The following SNRNP48 variants were observed in gnomAD, a reference collection of about 807,000 sequenced individuals.
SNRNP48 encodes the protein small nuclear ribonucleoprotein U11/U12 subunit 48, also known as U11/U12 small nuclear ribonucleoprotein 48 kDa protein.
In SNRNP48, 43 loss-of-function variants were observed where a neutral mutation model predicts 47.0. The observed-to-expected ratio is 0.92, with a 90% CI of 0.72 to 1.18. The LOEUF (loss-of-function observed/expected upper bound fraction) is 1.18. Among genes scored for constraint, SNRNP48 ranks in the 50% most tolerant of loss-of-function variants. SNRNP48 has a pLI of 0.00. For missense variants in SNRNP48, 396 were observed against 422.2 expected, an observed-to-expected ratio of 0.94 and a Z score of 0.54; for synonymous variants, 138 against 144.0, an observed-to-expected ratio of 0.96 and a Z score of 0.30.
intron 6 of SNRNP48, among the ~76,000 whole-genome samples, chr6:7,603,000 A>G (rs1027819259): frequency 6.6e-6 from 1 of 152,194 alleles, no homozygotes; most frequent in Non-Finnish European, 1.5e-5. Flanking sequence ...GTATCATGGT[A>G]AGAGCATGAG....
intron 4 of SNRNP48, among the ~76,000 whole-genome samples, chr6:7,598,722 A>G (rs1190215042): frequency 6.6e-6 from 1 of 152,180 alleles, no homozygotes; most frequent in African/African-American, 2.4e-5. Context: ...ACACACTACA[A>G]TGTAAGTTTT....
At chr6:7,592,721 C>G (rs1759839643) in intron 1 of SNRNP48, among the ~76,000 whole-genome samples, 1 of 152,058 alleles carries the variant, frequency 6.6e-6, no homozygotes, top group African/African-American at 2.4e-5. Flanking sequence ...GGCAGCAAGA[C>G]TGGAAGCAGA....
intron 4 of SNRNP48, among the ~76,000 whole-genome samples, chr6:7,597,391 C>G (rs1348971406): frequency 1.3e-5 from 2 of 152,204 alleles, no homozygotes; most frequent in Admixed American, 1.3e-4. Context: ...CTAATCGTGA[C>G]TATCAGTGCT....
intron 1 of SNRNP48, among the ~76,000 whole-genome samples, chr6:7,592,368 C>A (rs1350358252): frequency 1.4e-5 from 2 of 145,828 alleles, no homozygotes; most frequent in African/African-American, 5.1e-5. Context: ...ATTAGAAAGT[C>A]TAGATTTTTT....
Position 7,599,242 on chromosome 6 carries a change from T to G in SNRNP48, c.407-2094T>G, listed in dbSNP as rs545493117. ...ACTATTTAATGTTGAATGTTATATG[T>G]TTAAGATCCCCTTTGATGACAAAAG... On this transcript the variant is annotated intron_variant, in intron 4 of 8. Transcript: ENST00000342415. Among the ~76,000 whole-genome samples the G allele has an allele frequency of 5.3e-5, 8 of 152,298 alleles. No individual in the cohort carries two copies. The South Asian group carries it at 1.7e-3, about 32-fold the overall frequency.
chr6:7,600,289 C>T, intron 4 of SNRNP48: 1 of 796,910 alleles, frequency 1.3e-6, no homozygotes, highest in Non-Finnish European at 1.5e-6. Context: ...TCATAGTATG[C>T]TCTTATTTGA....
chr6:7,591,075 G>C (rs1283751160), intron 1 of SNRNP48, among the ~76,000 whole-genome samples: 3 of 152,212 alleles, frequency 2.0e-5, no homozygotes, highest in African/African-American at 7.2e-5. Flanking sequence ...GTCTCAGAGC[G>C]CTGCAGAGGG....
intron 8 of SNRNP48, among the ~76,000 whole-genome samples, chr6:7,608,142 C>G (rs539258256): frequency 1.3e-5 from 2 of 152,034 alleles, no homozygotes; most frequent in South Asian, 4.2e-4. Flanking sequence ...GATATCCAAC[C>G]CTGGGGTGGA....
intron 1 of SNRNP48, among the ~76,000 whole-genome samples, chr6:7,592,419 T>G (rs1354665546): frequency 1.3e-5 from 2 of 151,866 alleles, no homozygotes; most frequent in Non-Finnish European, 2.9e-5. Flanking sequence ...TATGGAATTA[T>G]TTTAAGCCAG....
intron 1 of SNRNP48, among the ~76,000 whole-genome samples, chr6:7,591,615 C>T (rs573270495): frequency 2.6e-5 from 4 of 152,288 alleles, no homozygotes; most frequent in Admixed American, 2.6e-4. Flanking sequence ...GTGGGGCTTA[C>T]CAGACCCTTC....
At chr6:7,606,599 C>T (rs1372197390) in intron 8 of SNRNP48, among the ~76,000 whole-genome samples, 2 of 152,102 alleles carry the variant, frequency 1.3e-5, no homozygotes, top group African/African-American at 4.8e-5. Context: ...TATGTAGGGT[C>T]AGAGAGAACA....
At position 7,593,729 on chromosome 6, in the gene SNRNP48, T is replaced by G; in HGVS notation, c.157-5T>G. Reference sequence around the variant, plus strand: ...ATTTTCTTTGTTTCTGTTTGATTTTTATAGGATGAAGTTGTGATATGTCCA... The same window carrying G: ...ATTTTCTTTGTTTCTGTTTGATTTTGATAGGATGAAGTTGTGATATGTCCA... On this transcript the variant is annotated splice_region_variant and splice_polypyrimidine_tract_variant and intron_variant, in intron 1 of 8. Transcript: ENST00000342415. 1 of 1,543,876 alleles carries G rather than the reference T, an allele frequency of 6.5e-7. No individual in the cohort carries two copies. Among genetic ancestry groups the G allele is most frequent in the Non-Finnish European group, 8.7e-7 (1 of 1,147,606 alleles).
At chr6:7,594,806 A>T (rs1759874208) in intron 3 of SNRNP48, among the ~76,000 whole-genome samples, 1 of 152,200 alleles carries the variant, frequency 6.6e-6, no homozygotes, top group Non-Finnish European at 1.5e-5. Flanking sequence ...TGCGTGCCTA[A>T]TTATAGGCAT....
rs1396896461 is a variant in SNRNP48 at position 7,610,760 on chromosome 6, A to G, written c.*1887A>G. The stretch of plus-strand genomic sequence containing the variant: ...TCACTGCTACAAACTATTTAATGAA[A>G]TGTGGCATCGGGTGAAAAGAGGCAT... On this transcript the variant is annotated 3_prime_UTR_variant, in exon 9 of 9. Coordinates refer to ENST00000342415, the MANE Select transcript of SNRNP48 (RefSeq NM_152551.4). 6.6e-6 allele frequency: 1 copy of G among 152,216 alleles called. No homozygotes were observed. The highest frequency in any genetic ancestry group is 1.5e-5 in the Non-Finnish European group (1 of 68,034). 9.4% of individuals were successfully genotyped at this position (152,216 alleles called of 1,614,324 possible). A position where few individuals can be genotyped will look rare whatever the true frequency, so the allele number is the denominator to read the frequency against.
Position 7,590,256 on chromosome 6 carries a change from C to T in SNRNP48, c.-2C>T. The T allele has an allele frequency of 1.5e-6, 2 of 1,326,788 alleles. No individual in the cohort carries two copies. Among genetic ancestry groups the T allele is most frequent in the South Asian group, 2.4e-5 (1 of 41,464 alleles). The allele number at this position is 1,326,788 out of a possible 1,614,324, so 82.2% of individuals were successfully genotyped here. Reference sequence around the variant, plus strand: ...CTTCCTCTTGGCGGGTGGGCTGCAGCTATGGAGGGCGAGCCTCCACCTGTG... The same window carrying T: ...CTTCCTCTTGGCGGGTGGGCTGCAGTTATGGAGGGCGAGCCTCCACCTGTG... On this transcript the variant is annotated 5_prime_UTR_variant, in exon 1 of 9. Coordinates refer to ENST00000342415, the MANE Select transcript of SNRNP48 (RefSeq NM_152551.4).
chr6:7,590,279 GT>G lies in SNRNP48; in HGVS notation c.23del (p.Val8GlyfsTer11), dbSNP rs751083001. 7.3e-7 allele frequency: 1 copy of G among 1,369,350 alleles called. No individual in the cohort carries two copies. Among genetic ancestry groups the G allele is most frequent in the Non-Finnish European group, 9.5e-7 (1 of 1,049,104 alleles). 84.8% of individuals were successfully genotyped at this position (1,369,350 alleles called of 1,614,324 possible). A position where few individuals can be genotyped will look rare whatever the true frequency, so the allele number is the denominator to read the frequency against. The part of the protein sequence containing the change: MEGEPPP[V>X]EERRRLQEEL... ...AGCTATGGAGGGCGAGCCTCCACCT[GT>G]GGAGGAGCGGCGGCGGCTGCAGGAG... On this transcript the variant is annotated frameshift_variant, in exon 1 of 9. Coordinates refer to ENST00000342415, the MANE Select transcript of SNRNP48 (RefSeq NM_152551.4). LOFTEE classifies it high-confidence loss of function.
intron 1 of SNRNP48, among the ~76,000 whole-genome samples, chr6:7,592,871 G>T (rs1759842880): frequency 6.6e-6 from 1 of 152,146 alleles, no homozygotes; most frequent in South Asian, 2.1e-4. Flanking sequence ...GAAATATTTA[G>T]GAGTTAAATT....
intron 4 of SNRNP48, among the ~76,000 whole-genome samples, chr6:7,595,459 T>G (rs1184000341): frequency 5.9e-5 from 9 of 152,226 alleles, no homozygotes; most frequent in African/African-American, 2.2e-4. Flanking sequence ...TTTTATGGTG[T>G]TGTGAAAACA....
intron 8 of SNRNP48, 90 bp from the exon 9 acceptor site, chr6:7,608,735 A>AAGTGGTGTATTACTGTTGAG: frequency 1.6e-6 from 1 of 610,716 alleles, no homozygotes; most frequent in Non-Finnish European, 2.6e-6. Context: ...TTACTGTTGA[A>AAGTGGTGTATTACTGTTGAG]AGTGGTGTAT....
Sources: allele counts gnomAD v4.1 joint callset (sites outside exome capture counted in the v4.1 genomes callset), GRCh38; gene constraint gnomAD v4.1.1; transcripts MANE v1.5; gene names NCBI Gene and HGNC (gene_info 2026-07-23, HGNC 2026-07-21).